Variants in FBXO34 observed in about 807,000 individuals in gnomAD.
The protein encoded by FBXO34 is F-box protein 34, also known as F-box only protein 34.
FBXO34 carries 12 observed loss-of-function variants against 24.5 expected under a neutral mutation model. The observed-to-expected ratio is 0.49, with a 90% CI of 0.31 to 0.79. FBXO34 has a LOEUF of 0.79. Among genes scored for constraint, FBXO34 ranks in the 30% least tolerant of loss-of-function variants. The pLI is 0.04. For missense variants in FBXO34, 823 were observed against 857.7 expected (o/e 0.96, Z 0.51); for synonymous variants, 320 against 311.9 (o/e 1.03, Z -0.27).
At chr14:55,299,957 C>G (rs1005307664) in intron 1 of FBXO34, among the ~76,000 whole-genome samples, 6 of 152,192 alleles carry the variant, frequency 3.9e-5, no homozygotes, top group African/African-American at 1.4e-4. Context: ...ACTTCCCCCT[C>G]CTGAATTATT....
chr14:55,306,994 C>T (rs995264203), intron 1 of FBXO34, among the ~76,000 whole-genome samples: 1 of 152,162 alleles, frequency 6.6e-6, no homozygotes, highest in Non-Finnish European at 1.5e-5. Flanking sequence ...ATCCTATTAG[C>T]TAATTCCGAG....
the FBXO34 span, among the ~76,000 whole-genome samples, chr14:55,437,911 G>A: frequency 6.6e-6 from 1 of 152,206 alleles, no homozygotes; most frequent in Non-Finnish European, 1.5e-5. Context: ...AACTTAAATG[G>A]TAAGAATAGT....
At chr14:55,338,209 C>T (rs1883858470) in intron 1 of FBXO34, among the ~76,000 whole-genome samples, 1 of 151,706 alleles carries the variant, frequency 6.6e-6, no homozygotes, top group African/African-American at 2.4e-5. Flanking sequence ...GCCACCACAC[C>T]CAGCTAATTT....
intron 1 of FBXO34, among the ~76,000 whole-genome samples, chr14:55,308,717 A>G (rs867744540): frequency 3.3e-5 from 5 of 152,226 alleles, no homozygotes; most frequent in Middle Eastern, 3.2e-3. Context: ...AATATCATCA[A>G]ATTCCTCCTT....
At chr14:55,382,073 T>A in the FBXO34 span, 1 of 1,614,194 alleles carries the variant, frequency 6.2e-7, no homozygotes, top group Non-Finnish European at 8.5e-7. Flanking sequence ...GTGTCTCCGT[T>A]GTGATCGTCA....
chr14:55,412,603 G>A, the FBXO34 span, among the ~76,000 whole-genome samples: 2 of 152,170 alleles, frequency 1.3e-5, no homozygotes, highest in Non-Finnish European at 2.9e-5. Flanking sequence ...GATCATATCA[G>A]AGTAATTAGT....
the FBXO34 span, among the ~76,000 whole-genome samples, chr14:55,418,249 C>T: frequency 6.6e-6 from 1 of 152,270 alleles, no homozygotes; most frequent in East Asian, 1.9e-4. Flanking sequence ...GTCCCCAGCC[C>T]CCAGCACATT....
the FBXO34 span, among the ~76,000 whole-genome samples, chr14:55,384,532 T>C: frequency 6.6e-6 from 1 of 152,220 alleles, no homozygotes; most frequent in African/African-American, 2.4e-5. Flanking sequence ...ACTTTCTATT[T>C]TGCTCTATTT....
chr14:55,442,511 A>G, the FBXO34 span, among the ~76,000 whole-genome samples: 9 of 152,340 alleles, frequency 5.9e-5, no homozygotes, highest in Admixed American at 2.0e-4. Flanking sequence ...TTATCTGCTC[A>G]GTAAAACTGG....
the FBXO34 span, among the ~76,000 whole-genome samples, chr14:55,415,011 A>G: frequency 1.3e-5 from 2 of 152,224 alleles, no homozygotes; most frequent in African/African-American, 2.4e-5. Context: ...ATTGTAAATC[A>G]TAACTGCTGT....
chr14:55,442,409 C>T, the FBXO34 span, among the ~76,000 whole-genome samples: 9 of 150,838 alleles, frequency 6.0e-5, no homozygotes, highest in Admixed American at 5.9e-4. Flanking sequence ...AAAAAATGTA[C>T]AGAGGCAGAC....
At chr14:55,433,628 A>G in the FBXO34 span, 1 of 1,612,112 alleles carries the variant, frequency 6.2e-7, no homozygotes, top group Non-Finnish European at 8.5e-7. Context: ...GATTCCTCAT[A>G]CCTTTTGGCT....
the FBXO34 span, among the ~76,000 whole-genome samples, chr14:55,424,443 A>G: frequency 6.6e-6 from 1 of 152,240 alleles, no homozygotes; most frequent in South Asian, 2.1e-4. Flanking sequence ...GAAGTTAGGA[A>G]CATAATTAAT....
chr14:55,392,559 G>A, the FBXO34 span, among the ~76,000 whole-genome samples: 2 of 149,588 alleles, frequency 1.3e-5, no homozygotes, highest in African/African-American at 4.9e-5. Context: ...TGAGGTGGGA[G>A]AATCGCTTGA....
At chr14:55,363,871 C>T (rs138031731), downstream of FBXO34, among the ~76,000 whole-genome samples, 17 of 151,324 alleles carry the variant, frequency 1.1e-4, no homozygotes, top group Admixed American at 6.6e-4. Flanking sequence ...AATGCCTCTG[C>T]GTTTTTTTTT....
chr14:55,271,909 C>T (rs1881159739), intron 1 of FBXO34: 1 of 152,362 alleles, frequency 6.6e-6, no homozygotes, highest in African/African-American at 2.4e-5. Context: ...GGAAGTCAGC[C>T]TCTGGACTGG....
intron 1 of FBXO34, among the ~76,000 whole-genome samples, chr14:55,280,881 C>G (rs1279180344): frequency 6.6e-6 from 1 of 151,996 alleles, no homozygotes; most frequent in Non-Finnish European, 1.5e-5. Flanking sequence ...GGTCCTGGAA[C>G]CAATCCGCCA....
Position 55,351,585 on chromosome 14 carries a change from A to T in FBXO34, c.1195A>T (p.Asn399Tyr). 6.2e-7 allele frequency: 1 copy of T among 1,614,182 alleles called. No homozygotes were observed. Among genetic ancestry groups the T allele is most frequent in the Non-Finnish European group, 8.5e-7 (1 of 1,180,026 alleles). Residue 399 changes from asparagine to tyrosine, a missense_variant, in exon 2 of 2, where the codon AAC becomes TAC. Asn to Tyr is a moderately radical substitution (Grantham distance 143). Coordinates refer to ENST00000313833, the MANE Select transcript of FBXO34 (RefSeq NM_017943.4). ...GCCGGGTTCGCAAACTGCCGTGAAA[A>T]ACAGCAACAGATATGATGTGGAAAT... ...LEPGSQTAVK[N>Y]SNRYDVEMTD...
At chr14:55,436,828 G>A in the FBXO34 span, 1 of 1,614,218 alleles carries the variant, frequency 6.2e-7, no homozygotes, top group Non-Finnish European at 8.5e-7. Flanking sequence ...GCTAATGACA[G>A]GCTGGTCTTT....
Sources: allele counts gnomAD v4.1 joint callset (sites outside exome capture counted in the v4.1 genomes callset), GRCh38; gene constraint gnomAD v4.1.1; transcripts MANE v1.5; gene names NCBI Gene and HGNC (gene_info 2026-07-23, HGNC 2026-07-21).